Variants in EMCN observed in about 807,000 individuals in gnomAD.
The protein encoded by EMCN is endomucin.
A neutral mutation model predicts 38.4 loss-of-function variants in EMCN; 37 were observed. The observed-to-expected ratio is 0.96, with a 90% CI of 0.74 to 1.27. The LOEUF (loss-of-function observed/expected upper bound fraction) is 1.27, where lower values mean the gene tolerates loss of function less well. Ranked by LOEUF, EMCN falls within the 50% of genes most tolerant of loss-of-function variation. The probability of loss-of-function intolerance (pLI) is 0.00; values close to 1 mark genes in which losing one functional copy is unlikely to be tolerated. For synonymous variants in EMCN, 95 were observed against 100.8 expected (o/e 0.94, Z 0.35); for missense variants, 318 against 302.8 (o/e 1.05, Z -0.37).
rs534910747 is a variant in EMCN, at chr4:100,417,944, T to G, written c.665-803A>C. 1.6e-3 allele frequency among the ~76,000 whole-genome samples: 239 copies of G among 152,344 alleles called. 1 individual carries two copies. Among genetic ancestry groups the G allele is most frequent in the African/African-American group, 5.6e-3 (231 of 41,588 alleles). On this transcript the variant is annotated intron_variant, in intron 8 of 11. Coordinates refer to ENST00000296420, the MANE Select transcript of EMCN (RefSeq NM_016242.4). Reference sequence around the variant, plus strand: ...CTTCTGTTTCTTAGATTTCCTTTTATATGTAATCTAAATCTTGTCATTGAG... The same window carrying G: ...CTTCTGTTTCTTAGATTTCCTTTTAGATGTAATCTAAATCTTGTCATTGAG...
intron 7 of EMCN, 42 bp from the exon 8 acceptor site, chr4:100,421,419 A>T: frequency 1.3e-6 from 2 of 1,496,174 alleles, no homozygotes; most frequent in South Asian, 1.1e-5. Flanking sequence ...GTGGCTACTG[A>T]ATTTCACAGC....
chr4:100,402,687 G>A (rs1160420028), intron 11 of EMCN, among the ~76,000 whole-genome samples: 3 of 152,138 alleles, frequency 2.0e-5, no homozygotes, highest in African/African-American at 4.8e-5. Flanking sequence ...AAAAGGCTTG[G>A]AATCTGAGGC....
intron 9 of EMCN, among the ~76,000 whole-genome samples, chr4:100,416,492 T>A (rs555751624): frequency 1.3e-3 from 197 of 152,320 alleles, no homozygotes; most frequent in African/African-American, 4.5e-3. Flanking sequence ...CTCTAATTAT[T>A]TCCTTTGGAC....
intron 1 of EMCN, among the ~76,000 whole-genome samples, chr4:100,481,685 T>C (rs1418335081): frequency 1.3e-5 from 2 of 152,116 alleles, no homozygotes; most frequent in Non-Finnish European, 2.9e-5. Context: ...GATGTAACAC[T>C]AATTTTAAAT....
rs557028081 is a variant in EMCN at position 100,418,026 on chromosome 4, T to C, written c.665-885A>G. ...GACTATCCTTGTTTTATAAAGACCT[T>C]AACTTCCACTCATATTTTGGCTGCT... On this transcript the variant is annotated intron_variant, in intron 8 of 11. Coordinates refer to ENST00000296420, the MANE Select transcript of EMCN (RefSeq NM_016242.4). Among the ~76,000 whole-genome samples, 5 of 152,170 alleles carry C rather than the reference T, an allele frequency of 3.3e-5. No individual in the cohort carries two copies. The South Asian group carries it at 1.0e-3, about 32-fold the overall frequency.
intron 11 of EMCN, among the ~76,000 whole-genome samples, chr4:100,402,617 T>G (rs1358001088): frequency 6.6e-6 from 1 of 152,162 alleles, no homozygotes; most frequent in Non-Finnish European, 1.5e-5. Flanking sequence ...CTTCAGAACA[T>G]CATTATATAA....
At chr4:100,448,842 C>CCTTCCTTCCTTCCTTCCGT in intron 4 of EMCN, among the ~76,000 whole-genome samples, 1 of 144,216 alleles carries the variant, frequency 6.9e-6, no homozygotes, top group African/African-American at 2.7e-5. Flanking sequence ...CTCCCTCCCT[C>CCTTCCTTCCTTCCTTCCGT]CCTTCCTTGC....
intron 5 of EMCN, among the ~76,000 whole-genome samples, chr4:100,435,742 A>C (rs1338963036): frequency 1.3e-5 from 2 of 152,176 alleles, no homozygotes; most frequent in Non-Finnish European, 2.9e-5. Context: ...AAACCATCTG[A>C]TCTTCAACAA....
chr4:100,517,838 G>C lies in EMCN; in HGVS notation c.64+13C>G. ...CCAATCCGTACCACCAGAGGAATAAGAGACAAAAATACCTGTGCTGTTACT... is the reference window on the plus strand; with the variant it reads ...CCAATCCGTACCACCAGAGGAATAACAGACAAAAATACCTGTGCTGTTACT... On this transcript the variant is annotated intron_variant, in intron 1 of 11. Coordinates refer to ENST00000296420, the MANE Select transcript of EMCN (RefSeq NM_016242.4). 1.9e-6 allele frequency: 3 copies of C among 1,611,924 alleles called. No homozygotes were observed. The highest frequency in any genetic ancestry group is 2.2e-5 in the South Asian group (2 of 91,028).
intron 1 of EMCN, among the ~76,000 whole-genome samples, chr4:100,516,072 T>A (rs1386598445): frequency 6.6e-6 from 1 of 152,096 alleles, no homozygotes; most frequent in Non-Finnish European, 1.5e-5. Context: ...AAGGAGATAG[T>A]TATTATGTAA....
At chr4:100,404,266 G>T (rs1413298992) in intron 11 of EMCN, among the ~76,000 whole-genome samples, 1 of 151,978 alleles carries the variant, frequency 6.6e-6, no homozygotes, top group Non-Finnish European at 1.5e-5. Context: ...TTAATCTTCT[G>T]CCTATGGCTA....
At chr4:100,467,263 C>G (rs1728341484) in intron 3 of EMCN, among the ~76,000 whole-genome samples, 2 of 152,076 alleles carry the variant, frequency 1.3e-5, no homozygotes, top group African/African-American at 4.8e-5. Flanking sequence ...TAAACTCAAA[C>G]TGAATAGAAT....
rs1225547320 is a variant in EMCN, at chr4:100,470,440, G to A, written c.259+4598C>T. 6.0e-5 allele frequency among the ~76,000 whole-genome samples: 9 copies of A among 150,684 alleles called. No individual in the cohort carries two copies. The South Asian group carries it at 6.3e-4, about 11-fold the overall frequency. ...AAAGGAAGGCTTATACATTGTTGGT[G>A]GGAGTGTAAATTAGTTCAAACATTG... On this transcript the variant is annotated intron_variant, in intron 3 of 11. Transcript: ENST00000296420.
chr4:100,418,648 T>A (rs1001513249), intron 8 of EMCN, among the ~76,000 whole-genome samples: 1 of 152,156 alleles, frequency 6.6e-6, no homozygotes, highest in Admixed American at 6.6e-5. Flanking sequence ...GAAGTTTGTC[T>A]TTCTGTGCCT....
At chr4:100,441,769 TA>T (rs1345821257) in intron 5 of EMCN, among the ~76,000 whole-genome samples, 1 of 152,190 alleles carries the variant, frequency 6.6e-6, no homozygotes, top group Non-Finnish European at 1.5e-5. Flanking sequence ...ACAAAAACTC[TA>T]TACATTTACC....
intron 2 of EMCN, among the ~76,000 whole-genome samples, chr4:100,479,112 C>T (rs1181634403): frequency 2.0e-5 from 3 of 152,110 alleles, no homozygotes; most frequent in Non-Finnish European, 4.4e-5. Flanking sequence ...ATGTTTGACC[C>T]TAGTCTTAGA....
At chr4:100,418,747 A>G (rs1726806991) in intron 8 of EMCN, among the ~76,000 whole-genome samples, 1 of 151,576 alleles carries the variant, frequency 6.6e-6, no homozygotes, top group Admixed American at 6.6e-5. Context: ...CTGAATGGAC[A>G]TCACTGTGTA....
intron 1 of EMCN, among the ~76,000 whole-genome samples, chr4:100,482,986 C>T (rs1013109054): frequency 6.6e-6 from 1 of 152,110 alleles, no homozygotes; most frequent in African/African-American, 2.4e-5. Flanking sequence ...CATCCTTAAA[C>T]ATATTTGGCC....
intron 1 of EMCN, among the ~76,000 whole-genome samples, chr4:100,495,034 AAT>A (rs1312796099): frequency 3.9e-4 from 59 of 152,042 alleles, no homozygotes; most frequent in Non-Finnish European, 4.4e-5. Flanking sequence ...AATCCAAAGA[AAT>A]ATGAGATTTG....
Sources: allele counts gnomAD v4.1 joint callset (sites outside exome capture counted in the v4.1 genomes callset), GRCh38; gene constraint gnomAD v4.1.1; transcripts MANE v1.5; gene names NCBI Gene and HGNC (gene_info 2026-07-23, HGNC 2026-07-21).